Variants in WWOX observed in about 807,000 individuals in gnomAD.
WWOX encodes the protein WW domain containing oxidoreductase, also known as WW domain-containing oxidoreductase.
Under a neutral mutation model 46.2 loss-of-function variants are expected in WWOX, and 69 were observed. The ratio of observed to expected loss-of-function variants is 1.49; its 90% CI spans 1.23 to 1.82. The LOEUF (loss-of-function observed/expected upper bound fraction) is 1.82, where lower values mean the gene tolerates loss of function less well. Ranked by LOEUF, WWOX falls within the 40% of genes most tolerant of loss-of-function variation. The pLI is 0.00. For missense variants in WWOX, 919 were observed against 542.6 expected (o/e 1.69, Z -6.89); for synonymous variants, 359 against 202.6 (o/e 1.77, Z -6.56).
At chr16:78,305,763 A>G (rs1009013251) in intron 5 of WWOX, among the ~76,000 whole-genome samples, 2 of 152,214 alleles carry the variant, frequency 1.3e-5, no homozygotes, top group Admixed American at 6.5e-5. Context: ...GGATAGTTCA[A>G]GTTAGTTTGA....
intron 8 of WWOX, among the ~76,000 whole-genome samples, chr16:78,745,346 C>G (rs945629628): frequency 6.6e-6 from 1 of 152,176 alleles, no homozygotes; most frequent in Non-Finnish European, 1.5e-5. Context: ...CCAAGGCTTT[C>G]TGCCATGAGT....
chr16:78,334,062 T>C (rs775420811), intron 5 of WWOX, among the ~76,000 whole-genome samples: 1 of 152,196 alleles, frequency 6.6e-6, no homozygotes, highest in Non-Finnish European at 1.5e-5. Context: ...AACGGCATTA[T>C]TTGATGTTAC....
intron 8 of WWOX, among the ~76,000 whole-genome samples, chr16:78,558,095 G>A (rs2044350162): frequency 6.6e-6 from 1 of 152,138 alleles, no homozygotes; most frequent in African/African-American, 2.4e-5. Context: ...TGATTCTGAA[G>A]GCCCCGGCTC....
chr16:78,211,776 T>C (rs1219027472), intron 5 of WWOX, among the ~76,000 whole-genome samples: 1 of 152,076 alleles, frequency 6.6e-6, no homozygotes, highest in East Asian at 1.9e-4. Context: ...TTGGAGAAGA[T>C]CTTCCCAGCA....
chr16:78,537,394 T>G (rs1388145049), intron 8 of WWOX, among the ~76,000 whole-genome samples: 1 of 152,226 alleles, frequency 6.6e-6, no homozygotes, highest in Non-Finnish European at 1.5e-5. Flanking sequence ...TCACGTGTCT[T>G]CTAAGCGGTG....
chr16:78,578,260 A>T (rs1251371105), intron 8 of WWOX, among the ~76,000 whole-genome samples: 2 of 21,538 alleles, frequency 9.3e-5, no homozygotes, highest in African/African-American at 3.1e-4. Flanking sequence ...AATTTTATAT[A>T]TATATATATA....
intron 8 of WWOX, among the ~76,000 whole-genome samples, chr16:78,961,125 C>G (rs1306235093): frequency 2.0e-5 from 3 of 152,042 alleles, no homozygotes; most frequent in East Asian, 3.9e-4. Flanking sequence ...AAGACTCAAG[C>G]CAAGCATTCA....
At chr16:78,912,810 A>C (rs1055598354) in intron 8 of WWOX, among the ~76,000 whole-genome samples, 1 of 152,042 alleles carries the variant, frequency 6.6e-6, no homozygotes, top group African/African-American at 2.4e-5. Context: ...CTGAGAGAGG[A>C]AGATATACAA....
chr16:78,160,405 A>G (rs868466353), intron 4 of WWOX, among the ~76,000 whole-genome samples: 5 of 152,182 alleles, frequency 3.3e-5, no homozygotes, highest in Admixed American at 1.3e-4. Flanking sequence ...GATTACAGCC[A>G]TGAGCCACTG....
At chr16:79,158,990 C>G (rs530281791) in intron 8 of WWOX, among the ~76,000 whole-genome samples, 1 of 152,292 alleles carries the variant, frequency 6.6e-6, no homozygotes, top group East Asian at 1.9e-4. Context: ...CATTGCTCTT[C>G]ACTCTGCCTG....
At chr16:78,748,142 A>G (rs765175436) in intron 8 of WWOX, among the ~76,000 whole-genome samples, 1 of 151,986 alleles carries the variant, frequency 6.6e-6, no homozygotes, top group Non-Finnish European at 1.5e-5. Context: ...GCATTTATCC[A>G]TTGCACCCCG....
At chr16:78,502,193 T>A (rs550880100) in intron 8 of WWOX, among the ~76,000 whole-genome samples, 1 of 152,330 alleles carries the variant, frequency 6.6e-6, no homozygotes, top group Non-Finnish European at 1.5e-5. Flanking sequence ...TTTATTGATA[T>A]ATAATGTGCC....
rs529670204 is a variant in WWOX at position 78,689,958 on chromosome 16, T to C, written c.1056+257206T>C. Among the ~76,000 whole-genome samples, 5 of 152,252 alleles carry C rather than the reference T, an allele frequency of 3.3e-5. No homozygotes were observed. The East Asian group carries it at 7.8e-4, about 24-fold the overall frequency. Reference sequence around the variant, plus strand: ...TCACTGCAACCTCTGCCTCGCAGGCTCAAATGATTCTCCTACCTCAGCCTC... The same window carrying C: ...TCACTGCAACCTCTGCCTCGCAGGCCCAAATGATTCTCCTACCTCAGCCTC... On this transcript the variant is annotated intron_variant, in intron 8 of 8. Coordinates refer to ENST00000566780, the MANE Select transcript of WWOX (RefSeq NM_016373.4).
chr16:78,148,065 C>G (rs568964578), intron 4 of WWOX, among the ~76,000 whole-genome samples: 14 of 152,152 alleles, frequency 9.2e-5, no homozygotes, highest in African/African-American at 3.1e-4. Flanking sequence ...AAATCCTGTA[C>G]CAGCTGTGAA....
At chr16:78,703,882 C>T (rs2048278402) in intron 8 of WWOX, among the ~76,000 whole-genome samples, 1 of 152,030 alleles carries the variant, frequency 6.6e-6, no homozygotes, top group Non-Finnish European at 1.5e-5. Context: ...CTGATCTTCT[C>T]AATCTCTCAG....
chr16:78,622,126 C>G (rs149981841), intron 8 of WWOX, among the ~76,000 whole-genome samples: 1 of 152,118 alleles, frequency 6.6e-6, no homozygotes, highest in Non-Finnish European at 1.5e-5. Context: ...TTTAGTAAAA[C>G]CTTGAAAAGA....
chr16:78,298,285 G>C (rs1220626720), intron 5 of WWOX, among the ~76,000 whole-genome samples: 1 of 152,102 alleles, frequency 6.6e-6, no homozygotes, highest in Non-Finnish European at 1.5e-5. Context: ...TCTTTCTTAG[G>C]CAGGATCTCG....
At chr16:79,001,009 A>C (rs1295560023) in intron 8 of WWOX, among the ~76,000 whole-genome samples, 1 of 152,226 alleles carries the variant, frequency 6.6e-6, no homozygotes, top group East Asian at 1.9e-4. Flanking sequence ...AGAAGAGCTC[A>C]GCGAGTATTT....
intron 1 of WWOX, among the ~76,000 whole-genome samples, chr16:78,106,349 A>G (rs559813185): frequency 1.3e-5 from 2 of 151,242 alleles, no homozygotes; most frequent in South Asian, 4.2e-4. Context: ...TGGTATACCA[A>G]TATTCCCACT....
Sources: allele counts gnomAD v4.1 joint callset (sites outside exome capture counted in the v4.1 genomes callset), GRCh38; gene constraint gnomAD v4.1.1; transcripts MANE v1.5; gene names NCBI Gene and HGNC (gene_info 2026-07-23, HGNC 2026-07-21).